NPAS3: variants seen among roughly 807,000 people sequenced by gnomAD.
NPAS3 encodes the protein neuronal PAS domain-containing protein 3.
NPAS3 carries 14 observed loss-of-function variants against 73.1 expected under a neutral mutation model. The observed-to-expected ratio is 0.19, with a 90% CI of 0.13 to 0.30. The LOEUF (loss-of-function observed/expected upper bound fraction) is 0.30, where lower values mean the gene tolerates loss of function less well. NPAS3 is among the 10% of genes least tolerant of loss of function. NPAS3 has a pLI of 1.00. For synonymous variants in NPAS3, 620 were observed against 541.5 expected, an observed-to-expected ratio of 1.14 and a Z score of -2.01; for missense variants, 1,096 against 1,250.0, an observed-to-expected ratio of 0.88 and a Z score of 1.86.
intron 4 of NPAS3, among the ~76,000 whole-genome samples, chr14:33,488,529 C>T (rs1264724135): frequency 6.6e-6 from 1 of 152,134 alleles, no homozygotes; most frequent in East Asian, 1.9e-4. Flanking sequence ...TGAACACATA[C>T]CTTAAAAAGG....
chr14:33,267,185 G>A (rs558108587), intron 3 of NPAS3, among the ~76,000 whole-genome samples: 1 of 152,182 alleles, frequency 6.6e-6, no homozygotes, highest in East Asian at 1.9e-4. Flanking sequence ...AAGACTTTGG[G>A]GAAGCTGGGC....
At chr14:33,293,307 G>GA (rs1307569425) in intron 3 of NPAS3, among the ~76,000 whole-genome samples, 4 of 152,246 alleles carry the variant, frequency 2.6e-5, no homozygotes, top group African/African-American at 7.2e-5. Context: ...TTTATAAGCA[G>GA]AAAAAATAAA....
At chr14:33,617,538 A>T (rs1298134138) in intron 5 of NPAS3, among the ~76,000 whole-genome samples, 1 of 152,196 alleles carries the variant, frequency 6.6e-6, no homozygotes, top group African/African-American at 2.4e-5. Flanking sequence ...AACCTTTGTT[A>T]TATCTCTCTT....
chr14:32,966,311 G>A (rs973477016), intron 1 of NPAS3, among the ~76,000 whole-genome samples: 1 of 152,084 alleles, frequency 6.6e-6, no homozygotes, highest in African/African-American at 2.4e-5. Flanking sequence ...TACTACAAAA[G>A]AGTAGTAACC....
intron 5 of NPAS3, among the ~76,000 whole-genome samples, chr14:33,568,485 G>A (rs2056069854): frequency 6.6e-6 from 1 of 152,130 alleles, no homozygotes; most frequent in Non-Finnish European, 1.5e-5. Flanking sequence ...GGCAATATAT[G>A]CAAAATAATA....
chr14:32,938,486 T>TGACAGAGAGAGAGAGAGAGAGAGAGA (rs1555372900), upstream of NPAS3, among the ~76,000 whole-genome samples: 692 of 55,892 alleles, frequency 0.012, 115 homozygotes, highest in Middle Eastern at 0.03. Context: ...AGAGAGAAAT[T>TGACAGAGAGAGAGAGAGAGAGAGAGA]GAGAGAGAGA....
chr14:33,592,354 C>A (rs1262387902), intron 5 of NPAS3, among the ~76,000 whole-genome samples: 1 of 152,044 alleles, frequency 6.6e-6, no homozygotes, highest in Non-Finnish European at 1.5e-5. Context: ...AAATGTGGTC[C>A]CTGTCCTTGA....
chr14:33,356,251 C>T (rs1047240358), intron 3 of NPAS3, among the ~76,000 whole-genome samples: 5 of 152,176 alleles, frequency 3.3e-5, no homozygotes, highest in African/African-American at 1.2e-4. Context: ...TGGCTAGTGG[C>T]GAAGTCCGTT....
At chr14:33,580,758 T>C (rs2056632888) in intron 5 of NPAS3, among the ~76,000 whole-genome samples, 1 of 152,152 alleles carries the variant, frequency 6.6e-6, no homozygotes, top group Non-Finnish European at 1.5e-5. Flanking sequence ...CCACGCTTTG[T>C]CTCACTTTGT....
In NPAS3 at chr14:33,252,297, G is replaced by A. The variant is rs2048616777; in HGVS notation, c.385+36871G>A. ...TGAGTCTGCAAGTTACTCAGATATA[G>A]CTTTGGTTCATTATAGAATGATACT... On this transcript the variant is annotated intron_variant, in intron 3 of 11. Transcript: ENST00000356141. 3.3e-5 allele frequency among the ~76,000 whole-genome samples: 5 copies of A among 151,854 alleles called. No homozygotes were observed. In the South Asian group the frequency reaches 1.0e-3, roughly 32 times the overall value.
At chr14:33,051,770 T>TTG (rs1566506328) in intron 1 of NPAS3, among the ~76,000 whole-genome samples, 2 of 152,146 alleles carry the variant, frequency 1.3e-5, no homozygotes, top group East Asian at 3.9e-4. Flanking sequence ...TTACATTTTT[T>TTG]TGTGTGTGAG....
At chr14:33,155,907 C>T (rs890485381) in intron 2 of NPAS3, among the ~76,000 whole-genome samples, 5 of 152,218 alleles carry the variant, frequency 3.3e-5, no homozygotes, top group Non-Finnish European at 7.3e-5. Flanking sequence ...AGAGACTACT[C>T]TCTCTTCAGA....
intron 3 of NPAS3, among the ~76,000 whole-genome samples, chr14:33,237,850 CTA>C (rs561700220): frequency 1.2e-3 from 175 of 151,656 alleles, no homozygotes; most frequent in African/African-American, 4.1e-3. Context: ...AGTATATAAA[CTA>C]TGCATTTTTG....
At chr14:32,948,070 T>G (rs1332979571) in intron 1 of NPAS3, among the ~76,000 whole-genome samples, 1 of 152,166 alleles carries the variant, frequency 6.6e-6, no homozygotes, top group Admixed American at 6.6e-5. Context: ...TGCTCTTCAT[T>G]TAAACAGTCT....
chr14:33,273,871 A>C (rs2041213033), intron 3 of NPAS3, among the ~76,000 whole-genome samples: 1 of 152,192 alleles, frequency 6.6e-6, no homozygotes, highest in African/African-American at 2.4e-5. Context: ...AAAAACTTTC[A>C]ATGAAATAGT....
chr14:33,046,190 A>C (rs1196179414), intron 1 of NPAS3, among the ~76,000 whole-genome samples: 1 of 152,156 alleles, frequency 6.6e-6, no homozygotes, highest in African/African-American at 2.4e-5. Flanking sequence ...CCATTGTAGG[A>C]GAGAAAATGG....
chr14:33,225,516 T>G (rs2047597346), intron 3 of NPAS3, among the ~76,000 whole-genome samples: 1 of 152,220 alleles, frequency 6.6e-6, no homozygotes, highest in Non-Finnish European at 1.5e-5. Context: ...TTGTTGGCCA[T>G]AAGGTCTCTG....
intron 5 of NPAS3, among the ~76,000 whole-genome samples, chr14:33,562,863 A>T (rs1359790469): frequency 6.6e-6 from 1 of 151,336 alleles, no homozygotes; most frequent in Non-Finnish European, 1.5e-5. Flanking sequence ...CAAAGTAAAT[A>T]TACTCTAAGT....
At chr14:33,522,653 G>C (rs2053608350) in intron 4 of NPAS3, among the ~76,000 whole-genome samples, 1 of 151,930 alleles carries the variant, frequency 6.6e-6, no homozygotes, top group African/African-American at 2.4e-5. Flanking sequence ...ATTTAAGACT[G>C]TGTTAATTGT....
Sources: gnomAD v4.1 joint callset for allele counts (sites outside exome capture counted in the v4.1 genomes callset) on GRCh38, gnomAD v4.1.1 for gene constraint, MANE v1.5 for transcripts, NCBI Gene and HGNC (gene_info 2026-07-23, HGNC 2026-07-21) for gene names.